SPATA13: variants seen among roughly 807,000 people sequenced by gnomAD.
SPATA13 encodes the protein spermatogenesis associated 13.
Under a neutral mutation model 104.0 loss-of-function variants are expected in SPATA13, and 50 were observed. The ratio of observed to expected loss-of-function variants is 0.48; its 90% CI spans 0.38 to 0.61. SPATA13 has a LOEUF of 0.61. SPATA13 is among the 20% of genes least tolerant of loss of function. The pLI is 0.00. For synonymous variants in SPATA13, 606 were observed against 667.5 expected (o/e 0.91, Z 1.42); for missense variants, 1,524 against 1,690.6 (o/e 0.90, Z 1.73).
In SPATA13 at chr13:24,304,957, T is replaced by C. The variant is rs1006431420; in HGVS notation, c.*2184T>C. On this transcript the variant is annotated 3_prime_UTR_variant, in exon 13 of 13. Transcript: ENST00000382108. Reference sequence around the variant, plus strand: ...ATGATATATGTTGGAAACTACTTAATATGCTTTTCCTGCACACCTTAGCAA... The same window carrying C: ...ATGATATATGTTGGAAACTACTTAACATGCTTTTCCTGCACACCTTAGCAA... 1.3e-5 allele frequency: 2 copies of C among 152,264 alleles called. No homozygotes were observed. The highest frequency in any genetic ancestry group is 4.8e-5 in the African/African-American group (2 of 41,470). The allele number at this position is 152,264 out of a possible 1,614,324, so 9.4% of individuals were successfully genotyped here.
chr13:24,236,401 G>A (rs1872567959), intron 2 of SPATA13, among the ~76,000 whole-genome samples: 1 of 152,006 alleles, frequency 6.6e-6, no homozygotes, highest in Admixed American at 6.6e-5. Context: ...GACCAGCCTG[G>A]ACAACATGGT....
intron 4 of SPATA13, among the ~76,000 whole-genome samples, chr13:24,252,342 T>C (rs996100242): frequency 6.6e-6 from 1 of 152,194 alleles, no homozygotes; most frequent in Non-Finnish European, 1.5e-5. Flanking sequence ...ATTTCCCCTT[T>C]TTATAAAGAC....
intron 4 of SPATA13, among the ~76,000 whole-genome samples, chr13:24,265,170 C>T (rs1229894741): frequency 1.3e-5 from 2 of 152,336 alleles, no homozygotes; most frequent in East Asian, 1.9e-4. Flanking sequence ...GGGGCCCGCC[C>T]CTCCTGTGGT....
chr13:24,052,836 T>TCCCCCCCCCCCCCCCCCCCCCCCCCCC (rs1878392957), intron 3 of SPATA13, among the ~76,000 whole-genome samples: 1 of 13,616 alleles, frequency 7.3e-5, no homozygotes, highest in Non-Finnish European at 1.2e-4. Context: ...CAGGGGATCC[T>TCCCCCCCCCCCCCCCCCCCCCCCCCCC]CCCCGCCACT....
intron 1 of SPATA13, among the ~76,000 whole-genome samples, chr13:24,182,198 A>T (rs1223830328): frequency 6.6e-6 from 1 of 152,216 alleles, no homozygotes; most frequent in African/African-American, 2.4e-5. Flanking sequence ...GAGGCTTAGA[A>T]GCAGGAAAGG....
At chr13:24,194,827 T>G (rs935167962) in intron 1 of SPATA13, among the ~76,000 whole-genome samples, 3 of 152,216 alleles carry the variant, frequency 2.0e-5, no homozygotes, top group Admixed American at 2.0e-4. Flanking sequence ...CTCACAATGG[T>G]TTTCTTATCC....
chr13:23,999,387 A>AAAAAAAAAAAAAC (rs1875846186), intron 2 of SPATA13, among the ~76,000 whole-genome samples: 1 of 146,056 alleles, frequency 6.8e-6, no homozygotes, highest in Admixed American at 7.0e-5. Context: ...AAAAAAAAAA[A>AAAAAAAAAAAAAC]AAGCCTGTTC....
chr13:24,248,172 G>A (rs1306604886), intron 2 of SPATA13, among the ~76,000 whole-genome samples: 2 of 152,350 alleles, frequency 1.3e-5, no homozygotes, highest in South Asian at 2.1e-4. Context: ...GCTTTGAGGG[G>A]TCTGCTCAGA....
At chr13:24,086,865 G>C (rs1200500346) in intron 3 of SPATA13, among the ~76,000 whole-genome samples, 1 of 152,170 alleles carries the variant, frequency 6.6e-6, no homozygotes, top group Non-Finnish European at 1.5e-5. Context: ...TCCCTCCAGG[G>C]TCAGAGTGGA....
chr13:23,988,091 C>T (rs1288467963), intron 2 of SPATA13, among the ~76,000 whole-genome samples: 1 of 151,976 alleles, frequency 6.6e-6, no homozygotes, highest in East Asian at 1.9e-4. Flanking sequence ...TTACAGGCAC[C>T]TACCACCACG....
exon 2 of SPATA13, chr13:23,983,929 T>C: frequency 1.0e-6 from 1 of 985,472 alleles, no homozygotes; most frequent in Non-Finnish European, 1.2e-6. Context: ...ATCCTGGCCG[T>C]GAAGGTAAGT....
intron 4 of SPATA13, among the ~76,000 whole-genome samples, chr13:24,279,143 T>C (rs575900482): frequency 6.6e-6 from 1 of 152,268 alleles, no homozygotes; most frequent in East Asian, 1.9e-4. Flanking sequence ...TGGAGAAAAC[T>C]AAACCAGGGG....
chr13:24,135,580 C>T (rs1881535003), intron 3 of SPATA13, among the ~76,000 whole-genome samples: 1 of 151,578 alleles, frequency 6.6e-6, no homozygotes, highest in Non-Finnish European at 1.5e-5. Context: ...CGCCTGTAGT[C>T]CCAGCTACTC....
At chr13:24,042,415 T>A (rs9511009) in intron 3 of SPATA13, among the ~76,000 whole-genome samples, 1 of 149,140 alleles carries the variant, frequency 6.7e-6, no homozygotes, top group African/African-American at 2.5e-5. Context: ...CTTTCTGAGA[T>A]GTTGCGTGTT....
intron 1 of SPATA13, among the ~76,000 whole-genome samples, chr13:23,980,081 T>G (rs1001784): frequency 0.11 from 16,755 of 151,618 alleles, 1,244 homozygotes; most frequent in East Asian, 0.37. Context: ...GGAGAAGGGA[T>G]AGAGCTATAG....
intron 3 of SPATA13, among the ~76,000 whole-genome samples, chr13:24,144,709 T>C (rs1407858780): frequency 2.0e-5 from 3 of 151,992 alleles, no homozygotes; most frequent in South Asian, 2.1e-4. Flanking sequence ...TTTCAGACTT[T>C]GGCCAGCGTG....
At chr13:24,123,555 C>G (rs1489226725) in intron 3 of SPATA13, 1 of 1,611,374 alleles carries the variant, frequency 6.2e-7, no homozygotes, top group African/African-American at 1.3e-5. Flanking sequence ...AATCTGGTAA[C>G]AAAATCCTAT....
rs193300557 is a variant in SPATA13 at position 24,174,499 on chromosome 13, A to G, written c.-112+13567A>G. Among the ~76,000 whole-genome samples the G allele has an allele frequency of 9.5e-4, 145 of 152,050 alleles. 1 individual carries two copies. The highest frequency in any genetic ancestry group is 3.0e-3 in the African/African-American group (126 of 41,478). Reference sequence around the variant, plus strand: ...TCCCTCACAGCACTGCTTTCGCTATATTCCACACATTTTTATGTGTTGCAT... The same window carrying G: ...TCCCTCACAGCACTGCTTTCGCTATGTTCCACACATTTTTATGTGTTGCAT... On this transcript the variant is annotated intron_variant, in intron 1 of 12. Transcript: ENST00000382108.
chr13:24,195,416 A>G (rs1275362947), intron 1 of SPATA13, among the ~76,000 whole-genome samples: 1 of 152,126 alleles, frequency 6.6e-6, no homozygotes, highest in Non-Finnish European at 1.5e-5. Context: ...GTGAACACTC[A>G]TGTACAAGTT....
Sources: gnomAD v4.1 joint callset for allele counts (sites outside exome capture counted in the v4.1 genomes callset) on GRCh38, gnomAD v4.1.1 for gene constraint, MANE v1.5 for transcripts, NCBI Gene and HGNC (gene_info 2026-07-23, HGNC 2026-07-21) for gene names.